ACYP2: variants seen among roughly 807,000 people sequenced by gnomAD.
ACYP2 encodes acylphosphatase-2.
ACYP2 carries 12 observed loss-of-function variants against 11.2 expected under a neutral mutation model. The observed-to-expected ratio is 1.08, with a 90% CI of 0.69 to 1.74. The LOEUF (loss-of-function observed/expected upper bound fraction) is 1.74. Ranked by LOEUF, ACYP2 falls within the 40% of genes most tolerant of loss-of-function variation. The pLI is 0.00. For synonymous variants in ACYP2, 43 were observed against 32.2 expected (o/e 1.33, Z -1.13); for missense variants, 134 against 101.9 (o/e 1.31, Z -1.35).
intron 6 of ACYP2, among the ~76,000 whole-genome samples, chr2:54,241,634 T>G (rs879629189): frequency 6.6e-5 from 10 of 152,224 alleles, no homozygotes; most frequent in Admixed American, 6.5e-4. Context: ...TCTTGAATGA[T>G]GTAATAAAGT....
chr2:54,286,008 A>G (rs1689062779), intron 6 of ACYP2, among the ~76,000 whole-genome samples: 2 of 152,206 alleles, frequency 1.3e-5, no homozygotes, highest in African/African-American at 2.4e-5. Context: ...TTCTTGACTT[A>G]TGATAGGGTT....
At chr2:54,165,529 TCTCTCTCACACACACA>T (rs776727343) in intron 6 of ACYP2, among the ~76,000 whole-genome samples, 4 of 143,086 alleles carry the variant, frequency 2.8e-5, no homozygotes, top group Non-Finnish European at 4.5e-5. Context: ...TCTCTCTCTC[TCTCTCTCACACACACA>T]CACACACACA....
At chr2:54,017,409 C>T (rs76948694) in intron 2 of ACYP2, among the ~76,000 whole-genome samples, 8,591 of 151,674 alleles carry the variant, frequency 0.057, 275 homozygotes, top group Non-Finnish European at 0.06. Flanking sequence ...TGTGAACCAC[C>T]ACGCCTGGCT....
chr2:54,214,753 G>A (rs1367170108), intron 6 of ACYP2, among the ~76,000 whole-genome samples: 1 of 152,130 alleles, frequency 6.6e-6, no homozygotes, highest in African/African-American at 2.4e-5. Flanking sequence ...GGTTCCATAT[G>A]AATTTTAGAA....
intron 4 of ACYP2, among the ~76,000 whole-genome samples, chr2:54,070,579 T>G (rs1020978160): frequency 6.6e-6 from 1 of 152,162 alleles, no homozygotes; most frequent in Non-Finnish European, 1.5e-5. Flanking sequence ...TAACACATAT[T>G]CCAGAATTGG....
intron 6 of ACYP2, among the ~76,000 whole-genome samples, chr2:54,300,130 C>A (rs1318660250): frequency 6.6e-6 from 1 of 152,180 alleles, no homozygotes; most frequent in Non-Finnish European, 1.5e-5. Flanking sequence ...CTCTTCCATA[C>A]AGAGAAAATA....
chr2:54,241,773 G>A (rs2103986749), intron 6 of ACYP2, among the ~76,000 whole-genome samples: 1 of 152,324 alleles, frequency 6.6e-6, no homozygotes, highest in Middle Eastern at 3.4e-3. Context: ...AGCACTTTGG[G>A]AGGCCAAGGC....
chr2:54,052,283 C>A (rs534573336), intron 3 of ACYP2, among the ~76,000 whole-genome samples: 2 of 151,688 alleles, frequency 1.3e-5, no homozygotes, highest in Non-Finnish European at 2.9e-5. Context: ...TAAACTATAC[C>A]GTGTCATTTT....
intron 6 of ACYP2, among the ~76,000 whole-genome samples, chr2:54,232,660 C>T (rs1686287882): frequency 6.6e-6 from 1 of 152,118 alleles, no homozygotes; most frequent in Non-Finnish European, 1.5e-5. Context: ...TTAATTGACT[C>T]ACAGTTCTGC....
At chr2:54,055,944 T>C (rs1676122417) in intron 3 of ACYP2, among the ~76,000 whole-genome samples, 1 of 152,184 alleles carries the variant, frequency 6.6e-6, no homozygotes. Context: ...AGTAGTACTG[T>C]CAGATATAGT....
intron 4 of ACYP2, among the ~76,000 whole-genome samples, chr2:54,071,381 A>G (rs1458154828): frequency 6.6e-6 from 1 of 152,168 alleles, no homozygotes; most frequent in Non-Finnish European, 1.5e-5. Flanking sequence ...TGTGTGTACA[A>G]AATACAAAGG....
chr2:54,279,638 G>C (rs149850469), intron 6 of ACYP2, among the ~76,000 whole-genome samples: 2 of 151,678 alleles, frequency 1.3e-5, no homozygotes, highest in African/African-American at 2.4e-5. Flanking sequence ...GCATTTTCAC[G>C]TCTCTGGAAG....
intron 5 of ACYP2, among the ~76,000 whole-genome samples, chr2:54,137,869 C>T (rs1006022332): frequency 2.0e-5 from 3 of 152,216 alleles, no homozygotes; most frequent in Non-Finnish European, 4.4e-5. Context: ...GTGCTTTCCA[C>T]AGTGGCTGGA....
At chr2:54,122,928 T>A (rs1160907484) in intron 4 of ACYP2, among the ~76,000 whole-genome samples, 4 of 152,188 alleles carry the variant, frequency 2.6e-5, no homozygotes, top group South Asian at 4.1e-4. Context: ...GAATGTGATG[T>A]CTATCTGCAG....
At chr2:54,092,964 G>A (rs1379842088) in intron 4 of ACYP2, among the ~76,000 whole-genome samples, 1 of 152,182 alleles carries the variant, frequency 6.6e-6, no homozygotes, top group African/African-American at 2.4e-5. Context: ...ACCCATTGAT[G>A]GTGGGGTACA....
At position 54,113,247 on chromosome 2, in the gene ACYP2, T is replaced by G. The variant is rs1679551085; in HGVS notation, c.278-22206T>G. Reference sequence around the variant, plus strand: ...TGAGTTCAGTAGAGATGACTTTTTTTTTTTTTTTTGGAGACAGGGTCTCGC... The same window carrying G: ...TGAGTTCAGTAGAGATGACTTTTTTGTTTTTTTTTGGAGACAGGGTCTCGC... On this transcript the variant is annotated intron_variant, in intron 4 of 6. Coordinates refer to ENST00000607452, the MANE Select transcript of ACYP2 (RefSeq NM_001320586.2). Among the ~76,000 whole-genome samples the G allele has an allele frequency of 3.3e-5, 5 of 151,896 alleles. No homozygotes were observed. In the South Asian group the frequency reaches 1.0e-3, roughly 32 times the overall value.
At chr2:54,278,035 A>T (rs552172007) in intron 6 of ACYP2, among the ~76,000 whole-genome samples, 6 of 152,284 alleles carry the variant, frequency 3.9e-5, no homozygotes, top group African/African-American at 1.4e-4. Flanking sequence ...GCTGGACTCC[A>T]GTGGCTCACT....
chr2:54,029,197 T>C (rs543181247), intron 2 of ACYP2, among the ~76,000 whole-genome samples: 1 of 151,964 alleles, frequency 6.6e-6, no homozygotes, highest in Non-Finnish European at 1.5e-5. Context: ...CCTTTGTCAG[T>C]TGATTTTTCA....
At chr2:54,221,596 A>C (rs1483146533) in intron 6 of ACYP2, among the ~76,000 whole-genome samples, 1 of 148,648 alleles carries the variant, frequency 6.7e-6, no homozygotes, top group Non-Finnish European at 1.5e-5. Flanking sequence ...TCTTGGCTCA[A>C]AGTAACCTCT....
Sources: gnomAD v4.1 joint callset for allele counts (sites outside exome capture counted in the v4.1 genomes callset) on GRCh38, gnomAD v4.1.1 for gene constraint, MANE v1.5 for transcripts, NCBI Gene and HGNC (gene_info 2026-07-23, HGNC 2026-07-21) for gene names.